KCNC2: variants seen among roughly 807,000 people sequenced by gnomAD.
KCNC2 encodes the protein potassium voltage-gated channel subfamily C member 2.
KCNC2 carries 21 observed loss-of-function variants against 44.5 expected under a neutral mutation model. That is an observed-to-expected ratio of 0.47 (90% CI 0.33 to 0.68). The LOEUF is 0.68. Among genes scored for constraint, KCNC2 ranks in the 30% least tolerant of loss-of-function variants. The pLI is 0.01. For synonymous variants in KCNC2, 391 were observed against 339.1 expected (o/e 1.15, Z -1.68); for missense variants, 589 against 826.2 (o/e 0.71, Z 3.52).
chr12:75,156,741 A>C (rs1254572130), intron 2 of KCNC2, among the ~76,000 whole-genome samples: 3 of 151,772 alleles, frequency 2.0e-5, no homozygotes, highest in Non-Finnish European at 4.4e-5. Flanking sequence ...TACCCAGATA[A>C]CTCTAACTCC....
In KCNC2 at chr12:75,204,299, C is replaced by G. The variant is rs1051839560; in HGVS notation, c.687+2998G>C. Among the ~76,000 whole-genome samples the G allele has an allele frequency of 1.5e-4, 23 of 151,968 alleles. No individual in the cohort carries two copies. The South Asian group carries it at 1.9e-3, about 12-fold the overall frequency. On this transcript the variant is annotated intron_variant, in intron 2 of 4. Transcript: ENST00000549446. Reference sequence around the variant, plus strand: ...AATTAAAAATCACAGAGGAGAGGGACATGCCAACCAAAACAAAAGGCAAAA... The same window carrying G: ...AATTAAAAATCACAGAGGAGAGGGAGATGCCAACCAAAACAAAAGGCAAAA...
chr12:75,069,319 A>G (rs906413660), intron 2 of KCNC2, among the ~76,000 whole-genome samples: 19 of 151,562 alleles, frequency 1.3e-4, no homozygotes, highest in African/African-American at 3.4e-4. Flanking sequence ...TTTTTTTAGT[A>G]GAGATGGGAT....
rs558380951 is a variant in KCNC2, at chr12:75,080,397, T to A, written c.688-29080A>T. On this transcript the variant is annotated intron_variant, in intron 2 of 4. Transcript: ENST00000549446. ...TCCAGAAGTGATAACTTAGAAAAAG[T>A]ATAAAAAGAAGGAGAAAAAAAAAAC... is the stretch of plus-strand genomic sequence containing the variant. Among the ~76,000 whole-genome samples, 7 of 151,170 alleles carry A rather than the reference T, an allele frequency of 4.6e-5. No individual in the cohort carries two copies. The South Asian group carries it at 1.5e-3, about 32-fold the overall frequency.
chr12:75,067,960 A>C (rs1167035000), intron 2 of KCNC2, among the ~76,000 whole-genome samples: 2 of 152,206 alleles, frequency 1.3e-5, no homozygotes, highest in Non-Finnish European at 2.9e-5. Context: ...ACTAAAGTAA[A>C]CTGCGTTTTT....
intron 2 of KCNC2, among the ~76,000 whole-genome samples, chr12:75,096,622 G>A (rs1030427475): frequency 6.6e-6 from 1 of 151,892 alleles, no homozygotes; most frequent in African/African-American, 2.4e-5. Context: ...AGGTAATTAG[G>A]CAATTATAAG....
Position 75,041,950 on chromosome 12 carries a change from G to A in KCNC2, c.*1155C>T, listed in dbSNP as rs1313480689. 2 of 1,007,990 alleles carry A rather than the reference G, an allele frequency of 2.0e-6. No individual in the cohort carries two copies. The highest frequency in any genetic ancestry group is 1.7e-5 in the African/African-American group (1 of 57,984). 62.4% of individuals were successfully genotyped at this position (1,007,990 alleles called of 1,614,324 possible). ...TCATGGAGACAGATGGCATATACAG[G>A]AAAGACAGGGAGCTAAGACAGACAA... On this transcript the variant is annotated 3_prime_UTR_variant, in exon 5 of 5. Transcript: ENST00000549446.
At position 75,131,555 on chromosome 12, in the gene KCNC2, G is replaced by T. The variant is rs182204964; in HGVS notation, c.687+75742C>A. Among the ~76,000 whole-genome samples, 318 of 152,232 alleles carry T rather than the reference G, an allele frequency of 2.1e-3. 1 individual carries two copies. The highest frequency in any genetic ancestry group is 7.3e-3 in the African/African-American group (302 of 41,538). ...TTATCTGGGTGGGTTCAATCTAATA[G>T]ATGAGCCCCTAAATGCAGAGCATTT... On this transcript the variant is annotated intron_variant, in intron 2 of 4. Transcript: ENST00000549446.
At chr12:75,122,543 G>T (rs1831987891) in intron 2 of KCNC2, among the ~76,000 whole-genome samples, 2 of 152,148 alleles carry the variant, frequency 1.3e-5, no homozygotes, top group Admixed American at 6.5e-5. Context: ...CTACATTTAA[G>T]ATAAGGAAAG....
In KCNC2 at chr12:75,156,554, T is replaced by A. The variant is rs941184390; in HGVS notation, c.687+50743A>T. Among the ~76,000 whole-genome samples, 4 of 151,826 alleles carry A rather than the reference T, an allele frequency of 2.6e-5. 1 individual carries two copies. The highest frequency in any genetic ancestry group is 5.9e-5 in the Non-Finnish European group (4 of 67,866). On this transcript the variant is annotated intron_variant, in intron 2 of 4. Coordinates refer to ENST00000549446, the MANE Select transcript of KCNC2 (RefSeq NM_139137.4). ...AAAGTCAATAGGTATTAAATTCAAA[T>A]CTTGATTTTTTTTCTAGCTATGTGA...
intron 2 of KCNC2, among the ~76,000 whole-genome samples, chr12:75,206,383 T>C (rs1437661284): frequency 1.3e-5 from 2 of 152,244 alleles, no homozygotes; most frequent in Non-Finnish European, 2.9e-5. Flanking sequence ...GAAATCATTA[T>C]TGGTTACTTT....
intron 2 of KCNC2, among the ~76,000 whole-genome samples, chr12:75,149,383 C>A (rs1201000077): frequency 6.6e-6 from 1 of 151,820 alleles, no homozygotes; most frequent in African/African-American, 2.4e-5. Context: ...CTTCTGAAGA[C>A]TACATATTTG....
intron 2 of KCNC2, among the ~76,000 whole-genome samples, chr12:75,156,786 T>C (rs184709188): frequency 1.3e-4 from 20 of 152,000 alleles, no homozygotes; most frequent in African/African-American, 4.6e-4. Flanking sequence ...TTCTATAATA[T>C]GTTTTGGGCT....
intron 2 of KCNC2, among the ~76,000 whole-genome samples, chr12:75,158,603 A>G (rs1007613534): frequency 2.0e-5 from 3 of 151,884 alleles, no homozygotes; most frequent in Non-Finnish European, 4.4e-5. Flanking sequence ...ATTCAAAAAA[A>G]TCAATCTGGC....
intron 2 of KCNC2, among the ~76,000 whole-genome samples, chr12:75,054,614 G>T (rs1881542223): frequency 6.6e-6 from 1 of 152,140 alleles, no homozygotes; most frequent in East Asian, 1.9e-4. Context: ...AAGGAATGAA[G>T]GTATTGGGCC....
chr12:75,057,145 T>C (rs567379544), intron 2 of KCNC2, among the ~76,000 whole-genome samples: 85 of 152,174 alleles, frequency 5.6e-4, no homozygotes, highest in African/African-American at 1.9e-3. Context: ...TTATTCTGAA[T>C]GACCATTAAG....
intron 2 of KCNC2, among the ~76,000 whole-genome samples, chr12:75,169,607 C>T (rs562564801): frequency 2.6e-5 from 4 of 151,488 alleles, no homozygotes; most frequent in Non-Finnish European, 4.4e-5. Flanking sequence ...CCTATGTATT[C>T]TATTTTAAAA....
Position 75,042,291 on chromosome 12 carries a change from G to C in KCNC2, c.*814C>G. 6.2e-7 allele frequency: 1 copy of C among 1,610,342 alleles called. No individual in the cohort carries two copies. Among genetic ancestry groups the C allele is most frequent in the Non-Finnish European group, 8.5e-7 (1 of 1,178,000 alleles). ...TGGCTGGCAGTTACCTTTCTCTCAT[G>C]TTTTGTGCCTTCCCCAAGTCATTAA... On this transcript the variant is annotated 3_prime_UTR_variant, in exon 5 of 5. Coordinates refer to ENST00000549446, the MANE Select transcript of KCNC2 (RefSeq NM_139137.4).
rs752867687 is a variant in KCNC2 at position 75,050,514 on chromosome 12, G to A, written c.1491C>T (p.Ile497=). The change falls in exon 3 of 5, where the codon ATC becomes ATT. Residue 497 remains isoleucine (I), a synonymous_variant. Coordinates refer to ENST00000549446, the MANE Select transcript of KCNC2 (RefSeq NM_139137.4). ...GTGAGCTTGCCTGAGGAGCAGGAGG[G>A]ATGTGCTTCTTTCTTTTCCTTGGAA... is the stretch of plus-strand genomic sequence containing the variant. ...QKLPRKRKKH[I]PPAPQASSPT... 1 of 1,613,644 alleles carries A rather than the reference G, an allele frequency of 6.2e-7. No individual in the cohort carries two copies. The highest frequency in any genetic ancestry group is 8.5e-7 in the Non-Finnish European group (1 of 1,179,776).
At chr12:75,076,855 TAATA>T (rs1370995364) in intron 2 of KCNC2, among the ~76,000 whole-genome samples, 1 of 152,216 alleles carries the variant, frequency 6.6e-6, no homozygotes, top group Non-Finnish European at 1.5e-5. Flanking sequence ...AATTGGGTGT[TAATA>T]AAGTTTGGGA....
Sources: gnomAD v4.1 joint callset for allele counts (sites outside exome capture counted in the v4.1 genomes callset) on GRCh38, gnomAD v4.1.1 for gene constraint, MANE v1.5 for transcripts, NCBI Gene and HGNC (gene_info 2026-07-23, HGNC 2026-07-21) for gene names.